Variants in SIK2 observed in about 807,000 individuals in gnomAD.
SIK2 encodes the protein serine/threonine-protein kinase SIK2.
SIK2 carries 29 observed loss-of-function variants against 103.2 expected under a neutral mutation model. That is an observed-to-expected ratio of 0.28 (90% CI 0.21 to 0.38). SIK2 has a LOEUF of 0.38. SIK2 is among the 10% of genes least tolerant of loss of function. The pLI, the probability that SIK2 is intolerant of heterozygous loss-of-function variation, is 1.00. For synonymous variants in SIK2, 412 were observed against 446.1 expected (o/e 0.92, Z 0.96); for missense variants, 879 against 1,171.0 (o/e 0.75, Z 3.64).
chr11:111,687,481 C>T (rs1942860978), intron 3 of SIK2, among the ~76,000 whole-genome samples: 1 of 146,136 alleles, frequency 6.8e-6, no homozygotes, highest in South Asian at 2.2e-4. Context: ...CGCCACTACA[C>T]TCCAGCCTGG....
At chr11:111,618,300 C>T (rs2135838122) in intron 2 of SIK2, among the ~76,000 whole-genome samples, 1 of 152,166 alleles carries the variant, frequency 6.6e-6, no homozygotes, top group East Asian at 1.9e-4. Flanking sequence ...ACTGTGTGGC[C>T]CGTTTCCTAA....
chr11:111,648,421 G>A (rs76276517), intron 3 of SIK2, among the ~76,000 whole-genome samples: 3,631 of 152,128 alleles, frequency 0.024, 90 homozygotes, highest in African/African-American at 0.061. Context: ...CACACGGTGA[G>A]GGGACAAGTT....
Position 111,688,533 on chromosome 11 carries a change from G to T in SIK2, c.478+371G>T, listed in dbSNP as rs992975288. ...CCTGCTCTCCTAATTATGACTGATGGCTACAGCCAGAAGCAGAGAAAAGGC... is the reference window on the plus strand; with the variant it reads ...CCTGCTCTCCTAATTATGACTGATGTCTACAGCCAGAAGCAGAGAAAAGGC... On this transcript the variant is annotated intron_variant, in intron 4 of 14. Transcript: ENST00000304987. The surrounding 1 kb of genome is among the most constrained non-coding windows in gnomAD (Gnocchi z 4.2). Among the ~76,000 whole-genome samples the T allele has an allele frequency of 1.1e-4, 17 of 152,190 alleles. No homozygotes were observed. The highest frequency in any genetic ancestry group is 4.1e-4 in the African/African-American group (17 of 41,436).
chr11:111,611,830 A>G (rs780552114), intron 1 of SIK2, among the ~76,000 whole-genome samples: 1 of 152,192 alleles, frequency 6.6e-6, no homozygotes, highest in Non-Finnish European at 1.5e-5. Flanking sequence ...TGTCTCTTAT[A>G]CTATGTTGAG....
Position 111,724,232 on chromosome 11 carries a change from A to T in SIK2, c.*103A>T, listed in dbSNP as rs796569679. 2.1e-6 allele frequency: 3 copies of T among 1,431,298 alleles called. No individual in the cohort carries two copies. The African/African-American group carries it at 4.2e-5, about 20-fold the overall frequency. The allele number at this position is 1,431,298 out of a possible 1,614,324, so 88.7% of individuals were successfully genotyped here. ...AAGCTTATTTTCTTGCCCTCTCCCTAACGGGGAGAAATCGAGCCACCCAAC... is the reference window on the plus strand; with the variant it reads ...AAGCTTATTTTCTTGCCCTCTCCCTTACGGGGAGAAATCGAGCCACCCAAC... On this transcript the variant is annotated 3_prime_UTR_variant, in exon 15 of 15. Coordinates refer to ENST00000304987, the MANE Select transcript of SIK2 (RefSeq NM_015191.3).
At position 111,705,198 on chromosome 11, in the gene SIK2, C is replaced by A. The variant is rs1591632214; in HGVS notation, c.1101+59C>A. 2 of 1,448,222 alleles carry A rather than the reference C, an allele frequency of 1.4e-6. No homozygotes were observed. Among genetic ancestry groups the A allele is most frequent in the Admixed American group, 3.0e-5 (1 of 33,874 alleles). The allele number at this position is 1,448,222 out of a possible 1,614,324, so 89.7% of individuals were successfully genotyped here. A position where few individuals can be genotyped will look rare whatever the true frequency, so the allele number is the denominator to read the frequency against. On this transcript the variant is annotated intron_variant, in intron 8 of 14. Transcript: ENST00000304987. This position sits in a 1 kb window ranked among gnomAD's most constrained non-coding sequence, Gnocchi z 4.3. ...CATGTGCCTGTTCACATGTTTGATACATTTTTCATCTTATACACAGGGTTA... is the reference window on the plus strand; with the variant it reads ...CATGTGCCTGTTCACATGTTTGATAAATTTTTCATCTTATACACAGGGTTA...
At chr11:111,638,866 T>G (rs1328574343) in intron 3 of SIK2, among the ~76,000 whole-genome samples, 1 of 151,650 alleles carries the variant, frequency 6.6e-6, no homozygotes, top group African/African-American at 2.4e-5. Context: ...TAATTTTTTG[T>G]TGTTGTTGTT....
rs1312408695 is a variant in SIK2, at chr11:111,724,124, A to C, written c.2776A>C (p.Asn926His). ...DPQHNGYVLV[N>H] ...ACAACACAACGGGTATGTCCTGGTGAATTAGTCTCAGCACAGGAATTGAGG... is the reference window on the plus strand; with the variant it reads ...ACAACACAACGGGTATGTCCTGGTGCATTAGTCTCAGCACAGGAATTGAGG... The change falls in exon 15 of 15, where the codon AAT (asparagine) becomes CAT (histidine). Residue 926 changes from asparagine to histidine, a missense_variant. Asn to His is a moderately conservative substitution (Grantham distance 68, BLOSUM62 1). This residue lies in a region of SIK2 where 375 missense variants were observed against 416.3 expected (regional missense o/e 0.90). Coordinates refer to ENST00000304987, the MANE Select transcript of SIK2 (RefSeq NM_015191.3). 6.2e-7 allele frequency: 1 copy of C among 1,607,910 alleles called. No homozygotes were observed. Among genetic ancestry groups the C allele is most frequent in the Admixed American group, 1.7e-5 (1 of 59,958 alleles).
At chr11:111,646,846 T>C (rs1942264202) in intron 3 of SIK2, among the ~76,000 whole-genome samples, 2 of 152,266 alleles carry the variant, frequency 1.3e-5, no homozygotes, top group Admixed American at 1.3e-4. Flanking sequence ...TGCCACAATT[T>C]GTTTATCCAT....
At position 111,701,062 on chromosome 11, in the gene SIK2, G is replaced by C. The variant is rs1286882372; in HGVS notation, c.603+52G>C. On this transcript the variant is annotated intron_variant, in intron 5 of 14. Coordinates refer to ENST00000304987, the MANE Select transcript of SIK2 (RefSeq NM_015191.3). The surrounding 1 kb of genome is among the most constrained non-coding windows in gnomAD (Gnocchi z 4.2). Reference sequence around the variant, plus strand: ...AAATGCATCTATACTGATAATACTTGGTGTTCTGGCCCATCTTAGAAGCTC... The same window carrying C: ...AAATGCATCTATACTGATAATACTTCGTGTTCTGGCCCATCTTAGAAGCTC... 6.3e-7 allele frequency: 1 copy of C among 1,581,326 alleles called. No homozygotes were observed. Among genetic ancestry groups the C allele is most frequent in the Non-Finnish European group, 8.6e-7 (1 of 1,159,886 alleles).
chr11:111,707,328 T>C (rs1943377053), intron 8 of SIK2, among the ~76,000 whole-genome samples: 1 of 152,234 alleles, frequency 6.6e-6, no homozygotes, highest in Non-Finnish European at 1.5e-5. Context: ...TATCCTTTCA[T>C]GTCTAGACTA....
chr11:111,717,938 G>A (rs1354821857), intron 9 of SIK2, among the ~76,000 whole-genome samples: 1 of 152,124 alleles, frequency 6.6e-6, no homozygotes, highest in African/African-American at 2.4e-5. Context: ...GGGAGGGAGA[G>A]CATCAGGAAG....
At chr11:111,662,827 G>A (rs924799548) in intron 3 of SIK2, among the ~76,000 whole-genome samples, 9 of 152,092 alleles carry the variant, frequency 5.9e-5, no homozygotes, top group Admixed American at 3.9e-4. Context: ...GCAGTGAGCC[G>A]TGATCATGCC....
intron 3 of SIK2, among the ~76,000 whole-genome samples, chr11:111,676,197 A>C (rs1294059395): frequency 6.6e-6 from 1 of 152,152 alleles, no homozygotes; most frequent in African/African-American, 2.4e-5. Flanking sequence ...CACTTCTGCT[A>C]TTGTGATTAG....
At chr11:111,626,747 C>A (rs1941966662) in intron 3 of SIK2, among the ~76,000 whole-genome samples, 1 of 151,128 alleles carries the variant, frequency 6.6e-6, no homozygotes, top group Admixed American at 6.6e-5. Context: ...AAGGTAATGG[C>A]CTGCAAACAG....
At chr11:111,612,529 C>T (rs1941740618) in intron 1 of SIK2, among the ~76,000 whole-genome samples, 2 of 152,134 alleles carry the variant, frequency 1.3e-5, no homozygotes, top group African/African-American at 2.4e-5. Flanking sequence ...TAGGTGTGGT[C>T]ATATGCGGAG....
At chr11:111,687,732 A>G (rs927013851) in intron 3 of SIK2, among the ~76,000 whole-genome samples, 2 of 151,034 alleles carry the variant, frequency 1.3e-5, no homozygotes, top group East Asian at 2.0e-4. Context: ...CAGCCTCTCC[A>G]GTAGCTAGGA....
At chr11:111,671,963 C>G in intron 3 of SIK2, 1 of 504,022 alleles carries the variant, frequency 2.0e-6, no homozygotes, top group Non-Finnish European at 3.9e-6. Flanking sequence ...ATGTGGCTCT[C>G]GAACATCTCA....
At chr11:111,670,355 C>A (rs1942608777) in intron 3 of SIK2, among the ~76,000 whole-genome samples, 1 of 152,204 alleles carries the variant, frequency 6.6e-6, no homozygotes, top group Non-Finnish European at 1.5e-5. Context: ...ATTAAATTTT[C>A]TTCGTGAAAC....
Sources: allele counts gnomAD v4.1 joint callset (sites outside exome capture counted in the v4.1 genomes callset), GRCh38; gene constraint gnomAD v4.1.1; regional missense constraint gnomAD v4.1.1; non-coding constraint Gnocchi (gnomAD v3.1); transcripts MANE v1.5; gene names NCBI Gene and HGNC (gene_info 2026-07-23, HGNC 2026-07-21).